Variants in DDX46 observed in about 807,000 individuals in gnomAD.
DDX46 encodes probable ATP-dependent RNA helicase DDX46.
In DDX46, 30 loss-of-function variants were observed where a neutral mutation model predicts 134.9. The ratio of observed to expected loss-of-function variants is 0.22; its 90% CI spans 0.17 to 0.30. The LOEUF is 0.30. DDX46 is among the 10% of genes least tolerant of loss of function. DDX46 has a pLI of 1.00. For synonymous variants in DDX46, 415 were observed against 404.1 expected, an observed-to-expected ratio of 1.03 and a Z score of -0.32; for missense variants, 622 against 1,248.7, an observed-to-expected ratio of 0.50 and a Z score of 7.56.
intron 21 of DDX46, among the ~76,000 whole-genome samples, chr5:134,819,876 A>G (rs1366498954): frequency 6.6e-6 from 1 of 151,620 alleles, no homozygotes; most frequent in Non-Finnish European, 1.5e-5. Context: ...GCATAGTAGG[A>G]CACCCTGTCA....
In DDX46 at chr5:134,817,696, G is replaced by A. The variant is rs1291561460; in HGVS notation, c.2814G>A (p.Glu938=). The A allele has an allele frequency of 6.2e-7, 1 of 1,613,916 alleles. No homozygotes were observed. Among genetic ancestry groups the A allele is most frequent in the Non-Finnish European group, 8.5e-7 (1 of 1,179,952 alleles). Residue 938 remains glutamate, a synonymous_variant, in exon 20 of 23, where the codon GAG becomes GAA. Coordinates refer to ENST00000452510, the MANE Select transcript of DDX46 (RefSeq NM_001300860.2). ...TTAAGAGATATGAAGAAGAATTAGA[G>A]ATCAATGACTTCCCACAGGCAAGTA... ...ESFKRYEEEL[E]INDFPQTARW... is the part of the protein sequence containing the mutation.
chr5:134,813,563 T>C (rs574690423), intron 18 of DDX46, among the ~76,000 whole-genome samples: 1 of 152,354 alleles, frequency 6.6e-6, no homozygotes, highest in East Asian at 1.9e-4. Context: ...GCTTTAGTGC[T>C]TTTTATGACT....
At chr5:134,802,181 T>TTTTTG (rs1754849290) in intron 15 of DDX46, among the ~76,000 whole-genome samples, 1 of 126,096 alleles carries the variant, frequency 7.9e-6, no homozygotes, top group African/African-American at 3.3e-5. Context: ...TTTTTTTTTT[T>TTTTTG]GAGATGGAGT....
chr5:134,791,169 A>T lies in DDX46; in HGVS notation c.1626+617A>T, dbSNP rs190957059. ...AATTCATGCTTTTAGATACCTCATT[A>T]TCTAGTCTAGATAGCACGTCATTTA... On this transcript the variant is annotated intron_variant, in intron 13 of 22. Transcript: ENST00000452510. Among the ~76,000 whole-genome samples, 14 of 152,332 alleles carry T rather than the reference A, an allele frequency of 9.2e-5. No homozygotes were observed. The East Asian group carries it at 2.7e-3, about 29-fold the overall frequency.
intron 21 of DDX46, 192 bp from the exon 22 acceptor site, chr5:134,826,754 GA>G (rs1755602667): frequency 4.0e-6 from 2 of 503,964 alleles, no homozygotes; most frequent in Non-Finnish European, 3.5e-6. Context: ...TTGAAACTCT[GA>G]AAGTAATCAA....
Position 134,781,171 on chromosome 5 carries a change from G to A in DDX46, c.804G>A (p.Val268=). The A allele has an allele frequency of 6.2e-7, 1 of 1,601,258 alleles. No individual in the cohort carries two copies. Among genetic ancestry groups the A allele is most frequent in the Non-Finnish European group, 8.5e-7 (1 of 1,177,336 alleles). Residue 268 remains valine, a synonymous_variant, in exon 7 of 23, where the codon GTG becomes GTA. Coordinates refer to ENST00000452510, the MANE Select transcript of DDX46 (RefSeq NM_001300860.2). ...CGGTCACAAAAGTTGTCACTGTTGT[G>A]ACAACCAAAAAAGCAGTTGTGGATT... ...GPTVTKVVTV[V]TTKKAVVDSD...
At chr5:134,773,562 G>A (rs938269167) in intron 4 of DDX46, 134 bp from the exon 5 acceptor site, 7 of 868,774 alleles carry the variant, frequency 8.1e-6, no homozygotes, top group Middle Eastern at 5.8e-4. Flanking sequence ...TACCCTGAGG[G>A]GTTTGTATAT....
intron 18 of DDX46, among the ~76,000 whole-genome samples, chr5:134,815,614 G>A (rs1394251838): frequency 7.2e-6 from 1 of 139,690 alleles, no homozygotes; most frequent in Non-Finnish European, 1.5e-5. Flanking sequence ...GGCTGAGGCA[G>A]AAGAATGGCG....
At chr5:134,785,444 C>A (rs373830062) in intron 10 of DDX46, 21 bp from the exon 11 acceptor site, 2 of 1,608,710 alleles carry the variant, frequency 1.2e-6, no homozygotes, top group African/African-American at 1.3e-5. Flanking sequence ...GGTTAGGCTA[C>A]TGATGTATTT....
chr5:134,801,700 A>G (rs1012224699), intron 15 of DDX46, among the ~76,000 whole-genome samples: 2 of 152,128 alleles, frequency 1.3e-5, no homozygotes, highest in Non-Finnish European at 2.9e-5. Flanking sequence ...TGCCTGGCTT[A>G]TAGTTCTTTT....
rs747704049 is a variant in DDX46 at position 134,767,012 on chromosome 5, G to A, written c.302G>A (p.Arg101Gln). The A allele has an allele frequency of 5.0e-6, 8 of 1,613,980 alleles. No homozygotes were observed. The Admixed American group carries it at 6.7e-5, about 13-fold the overall frequency. Residue 101 changes from arginine (R) to glutamine (Q), a missense_variant, in exon 3 of 23, where the codon CGA (arginine) becomes CAA (glutamine). Arg to Gln is a conservative substitution (Grantham distance 43). Transcript: ENST00000452510. The part of the protein sequence containing the change: ...RRSRSRSRGR[R>Q]SRSSSPGNKS... ...TCAAGGAGTAGAAGCCGGGGCCGGCGATCCCGATCCTCCAGTCCTGGAAAT... is the reference window on the plus strand; with the variant it reads ...TCAAGGAGTAGAAGCCGGGGCCGGCAATCCCGATCCTCCAGTCCTGGAAAT...
At chr5:134,823,010 G>A (rs1308811682) in intron 21 of DDX46, among the ~76,000 whole-genome samples, 1 of 152,078 alleles carries the variant, frequency 6.6e-6, no homozygotes, top group East Asian at 1.9e-4. Context: ...ATTTACGTAT[G>A]TAGCTATGAG....
intron 2 of DDX46, among the ~76,000 whole-genome samples, chr5:134,765,773 T>A (rs1753548863): frequency 6.6e-6 from 1 of 152,132 alleles, no homozygotes; most frequent in Non-Finnish European, 1.5e-5. Flanking sequence ...AACTTTATCC[T>A]TTTCAGACAT....
At chr5:134,781,721 A>T (rs1252715176) in intron 7 of DDX46, among the ~76,000 whole-genome samples, 200 bp from the exon 8 acceptor site, 5 of 152,172 alleles carry the variant, frequency 3.3e-5, no homozygotes, top group African/African-American at 1.2e-4. Context: ...GTCATACGTC[A>T]TTTGAGGTGA....
chr5:134,801,045 A>G (rs568806231), intron 15 of DDX46, among the ~76,000 whole-genome samples: 1,836 of 152,164 alleles, frequency 0.012, 38 homozygotes, highest in African/African-American at 0.042. Flanking sequence ...GCACTTTGGG[A>G]GGCCGAGTTG....
At chr5:134,761,266 C>T (rs1753376133) in intron 1 of DDX46, among the ~76,000 whole-genome samples, 1 of 152,236 alleles carries the variant, frequency 6.6e-6, no homozygotes. Flanking sequence ...GTCAAGCTCT[C>T]TGCCCACCTT....
chr5:134,775,251 G>C (rs1051041192), intron 5 of DDX46, among the ~76,000 whole-genome samples: 24 of 152,146 alleles, frequency 1.6e-4, no homozygotes, highest in African/African-American at 5.6e-4. Context: ...ACTGTGCCTG[G>C]CTGCTGATAT....
At chr5:134,776,997 G>C (rs1753961517) in intron 5 of DDX46, among the ~76,000 whole-genome samples, 1 of 151,808 alleles carries the variant, frequency 6.6e-6, no homozygotes, top group Non-Finnish European at 1.5e-5. Context: ...CGGATCACGA[G>C]GTTAGGAGTT....
At chr5:134,809,642 T>C (rs1266167839) in intron 16 of DDX46, among the ~76,000 whole-genome samples, 2 of 151,918 alleles carry the variant, frequency 1.3e-5, no homozygotes, top group Non-Finnish European at 1.5e-5. Flanking sequence ...CTCAAAATAC[T>C]GGGATTACAG....
Sources: gnomAD v4.1 joint callset for allele counts (sites outside exome capture counted in the v4.1 genomes callset) on GRCh38, gnomAD v4.1.1 for gene constraint, MANE v1.5 for transcripts, NCBI Gene and HGNC (gene_info 2026-07-23, HGNC 2026-07-21) for gene names.